PTPRD: variants seen among roughly 807,000 people sequenced by gnomAD.
The protein encoded by PTPRD is receptor-type tyrosine-protein phosphatase delta.
Under a neutral mutation model 214.5 loss-of-function variants are expected in PTPRD, and 34 were observed. That is an observed-to-expected ratio of 0.16 (90% confidence interval 0.12 to 0.21). The LOEUF (loss-of-function observed/expected upper bound fraction) is 0.21, where lower values mean the gene tolerates loss of function less well. Ranked by LOEUF, PTPRD falls within the 10% of genes least tolerant of loss-of-function variation. The pLI is 1.00. For missense variants in PTPRD, 2,545 were observed against 2,398.7 expected, an observed-to-expected ratio of 1.06 and a Z score of -1.27; for synonymous variants, 1,128 against 845.7, an observed-to-expected ratio of 1.33 and a Z score of -5.79.
chr9:8,831,650 T>A lies in PTPRD; in HGVS notation c.-103-97704A>T, dbSNP rs543990060. Among the ~76,000 whole-genome samples, 7 of 152,286 alleles carry A rather than the reference T, an allele frequency of 4.6e-5. 1 individual carries two copies. In the South Asian group the frequency reaches 1.5e-3, roughly 32 times the overall value. ...AAAATGTAATGTCCTGAATGAAACATATCATCTTCAAATATTAAAAAAGAA... is the reference window on the plus strand; with the variant it reads ...AAAATGTAATGTCCTGAATGAAACAAATCATCTTCAAATATTAAAAAAGAA... On this transcript the variant is annotated intron_variant, in intron 11 of 45. Coordinates refer to ENST00000381196, the MANE Select transcript of PTPRD (RefSeq NM_002839.4).
intron 2 of PTPRD, among the ~76,000 whole-genome samples, chr9:10,421,341 A>T (rs2098543909): frequency 6.6e-6 from 1 of 151,872 alleles, no homozygotes; most frequent in Non-Finnish European, 1.5e-5. Context: ...TCTTATTTCT[A>T]CTGTAATATA....
At chr9:9,593,027 A>G (rs2092900061) in intron 7 of PTPRD, among the ~76,000 whole-genome samples, 1 of 151,680 alleles carries the variant, frequency 6.6e-6, no homozygotes, top group Non-Finnish European at 1.5e-5. Flanking sequence ...CCTGGGTGAG[A>G]GAGCAAGACT....
At chr9:9,763,126 T>G (rs2098674751) in intron 6 of PTPRD, among the ~76,000 whole-genome samples, 1 of 152,146 alleles carries the variant, frequency 6.6e-6, no homozygotes, top group South Asian at 2.1e-4. Context: ...TAACCTTAAT[T>G]ACCTCTTCAA....
intron 37 of PTPRD, among the ~76,000 whole-genome samples, chr9:8,378,202 C>G (rs1341097599): frequency 6.6e-6 from 1 of 151,926 alleles, no homozygotes; most frequent in African/African-American, 2.4e-5. Flanking sequence ...TACAAAATAG[C>G]CTTCTGTGTT....
At position 10,114,454 on chromosome 9, in the gene PTPRD, CATT is replaced by C. The variant is rs1301758858; in HGVS notation, c.-544-80667_-544-80665del. 2.6e-5 allele frequency among the ~76,000 whole-genome samples: 4 copies of C among 152,198 alleles called. No individual in the cohort carries two copies. In the Middle Eastern group the frequency reaches 0.01, roughly 388 times the overall value. On this transcript the variant is annotated intron_variant, in intron 3 of 45. Coordinates refer to ENST00000381196, the MANE Select transcript of PTPRD (RefSeq NM_002839.4). ...TAGCTAGACAGGACCAATACCTGTC[CATT>C]ATTATAAAATTATACTCTCTCGCTC...
In PTPRD at chr9:9,114,218, G is replaced by C. The variant is rs548112207; in HGVS notation, c.-143+69086C>G. Among the ~76,000 whole-genome samples the C allele has an allele frequency of 2.6e-5, 4 of 152,238 alleles. No individual in the cohort carries two copies. The East Asian group carries it at 7.7e-4, about 29-fold the overall frequency. On this transcript the variant is annotated intron_variant, in intron 10 of 45. Coordinates refer to ENST00000381196, the MANE Select transcript of PTPRD (RefSeq NM_002839.4). ...ATTCCAATTACTCAGGTTTCTACAGGGTAGTTCGGGTGCAAACAGGGATGG... is the reference window on the plus strand; with the variant it reads ...ATTCCAATTACTCAGGTTTCTACAGCGTAGTTCGGGTGCAAACAGGGATGG...
At chr9:9,968,656 T>C (rs1319468400) in intron 4 of PTPRD, among the ~76,000 whole-genome samples, 1 of 152,116 alleles carries the variant, frequency 6.6e-6, no homozygotes, top group Non-Finnish European at 1.5e-5. Context: ...TCAGTTCCTT[T>C]CTTTATGAAT....
intron 8 of PTPRD, among the ~76,000 whole-genome samples, chr9:9,440,747 T>C (rs1224421817): frequency 6.6e-6 from 1 of 152,218 alleles, no homozygotes; most frequent in African/African-American, 2.4e-5. Context: ...ACTTATCTTC[T>C]TGTGTTAAAC....
At chr9:9,302,359 T>A (rs955901863) in intron 9 of PTPRD, among the ~76,000 whole-genome samples, 6 of 151,956 alleles carry the variant, frequency 3.9e-5, no homozygotes, top group Non-Finnish European at 8.8e-5. Flanking sequence ...ACAATTGTTA[T>A]TGATAGGCAG....
At chr9:8,983,361 A>G (rs1433585757) in intron 11 of PTPRD, among the ~76,000 whole-genome samples, 1 of 152,116 alleles carries the variant, frequency 6.6e-6, no homozygotes, top group Admixed American at 6.6e-5. Flanking sequence ...CCAGTCAAAA[A>G]TATACTCAAT....
At chr9:8,742,513 AC>A (rs2092167773) in intron 11 of PTPRD, among the ~76,000 whole-genome samples, 1 of 152,202 alleles carries the variant, frequency 6.6e-6, no homozygotes, top group Non-Finnish European at 1.5e-5. Flanking sequence ...AAATACATTT[AC>A]TTTTCAAATG....
chr9:9,119,406 G>A (rs1038114923), intron 10 of PTPRD, among the ~76,000 whole-genome samples: 2 of 152,100 alleles, frequency 1.3e-5, no homozygotes, highest in African/African-American at 4.8e-5. Flanking sequence ...ATATTTACAT[G>A]AAACTCTATT....
chr9:8,459,664 G>C (rs2096327475), intron 33 of PTPRD, among the ~76,000 whole-genome samples: 1 of 152,034 alleles, frequency 6.6e-6, no homozygotes, highest in African/African-American at 2.4e-5. Context: ...AATTGAAAAA[G>C]AGTGGCATAT....
At chr9:10,515,927 G>T (rs1211765047) in intron 2 of PTPRD, among the ~76,000 whole-genome samples, 1 of 151,810 alleles carries the variant, frequency 6.6e-6, no homozygotes, top group Non-Finnish European at 1.5e-5. Context: ...TTTTATGGCT[G>T]AGTAAGATTC....
intron 35 of PTPRD, among the ~76,000 whole-genome samples, chr9:8,432,331 G>A (rs1380478928): frequency 1.3e-5 from 2 of 152,202 alleles, no homozygotes; most frequent in Non-Finnish European, 2.9e-5. Context: ...AATTTATCAA[G>A]TCCATTCTTC....
intron 2 of PTPRD, among the ~76,000 whole-genome samples, chr9:10,552,159 G>A (rs2061493425): frequency 6.6e-6 from 1 of 152,114 alleles, no homozygotes; most frequent in African/African-American, 2.4e-5. Context: ...TATTCACACT[G>A]TTAATGGAGT....
chr9:9,060,913 T>A (rs1249698616), intron 10 of PTPRD, among the ~76,000 whole-genome samples: 1 of 152,044 alleles, frequency 6.6e-6, no homozygotes, highest in Non-Finnish European at 1.5e-5. Context: ...CAGCAATAAA[T>A]TTTTTTTAAA....
At chr9:10,467,486 TA>T (rs1360836622) in intron 2 of PTPRD, among the ~76,000 whole-genome samples, 1 of 152,120 alleles carries the variant, frequency 6.6e-6, no homozygotes, top group African/African-American at 2.4e-5. Flanking sequence ...TCAAAATGAA[TA>T]ACAGATTTTA....
chr9:10,390,298 C>T (rs371819506), intron 2 of PTPRD, among the ~76,000 whole-genome samples: 1 of 151,812 alleles, frequency 6.6e-6, no homozygotes, highest in Admixed American at 6.6e-5. Context: ...CACCACATCA[C>T]CTCCATTTCA....
Sources: allele counts gnomAD v4.1 joint callset (sites outside exome capture counted in the v4.1 genomes callset), GRCh38; gene constraint gnomAD v4.1.1; transcripts MANE v1.5; gene names NCBI Gene and HGNC (gene_info 2026-07-23, HGNC 2026-07-21).